Variants in TNPO2 observed in about 807,000 individuals in gnomAD.
TNPO2 encodes transportin-2.
In TNPO2, 16 loss-of-function variants were observed where a neutral mutation model predicts 111.1. That is an observed-to-expected ratio of 0.14 (90% CI 0.10 to 0.22). The LOEUF (loss-of-function observed/expected upper bound fraction) is 0.22, where lower values mean the gene tolerates loss of function less well. Ranked by LOEUF, TNPO2 falls within the 10% of genes least tolerant of loss-of-function variation. TNPO2 has a pLI of 1.00. For synonymous variants in TNPO2, 481 were observed against 475.8 expected (o/e 1.01, Z -0.14); for missense variants, 530 against 1,173.7 (o/e 0.45, Z 8.01).
intron 10 of TNPO2, 57 bp from the exon 11 acceptor site, chr19:12,711,670 A>C (rs2026057611): frequency 6.6e-7 from 1 of 1,524,160 alleles, no homozygotes; most frequent in Non-Finnish European, 9.0e-7. Context: ...AGTTGGGGGG[A>C]GGCACAGCTT....
chr19:12,711,275 C>A (rs2026027281), intron 12 of TNPO2, 21 bp downstream of exon 12: 1 of 1,607,660 alleles, frequency 6.2e-7, no homozygotes, highest in Non-Finnish European at 8.5e-7. Context: ...CCCACCACCA[C>A]CCCCAGGCAG....
At position 12,721,490 on chromosome 19, in the gene TNPO2, G is replaced by C. The variant is rs1005985916; in HGVS notation, c.-13-500C>G. On this transcript the variant is annotated intron_variant, in intron 2 of 25. Coordinates refer to ENST00000425528, the MANE Select transcript of TNPO2 (RefSeq NM_001382241.1). This position sits in a 1 kb window ranked among gnomAD's most constrained non-coding sequence, Gnocchi z 4.9. ...TGCCCTTAACTTCTGCCAGATCCCA[G>C]AGGCCTCCTGCCCTAGTCCAATTTC... The C allele has an allele frequency of 2.4e-6, 1 of 413,242 alleles. No individual in the cohort carries two copies. Among genetic ancestry groups the C allele is most frequent in the African/African-American group, 2.2e-5 (1 of 45,664 alleles). 25.6% of individuals were successfully genotyped at this position (413,242 alleles called of 1,614,324 possible). A position where few individuals can be genotyped will look rare whatever the true frequency, so the allele number is the denominator to read the frequency against.
chr19:12,709,050 G>GA (rs953526498), intron 13 of TNPO2, among the ~76,000 whole-genome samples: 35 of 139,246 alleles, frequency 2.5e-4, no homozygotes, highest in African/African-American at 7.1e-4. Flanking sequence ...AAAAAAAAAA[G>GA]AAAAAAAAAA....
chr19:12,706,670 C>T lies in TNPO2; in HGVS notation c.1396G>A (p.Val466Met). The T allele has an allele frequency of 6.2e-7, 1 of 1,613,970 alleles. No homozygotes were observed. Among genetic ancestry groups the T allele is most frequent in the Non-Finnish European group, 8.5e-7 (1 of 1,179,886 alleles). ...TGCATGTCGGGTGGCTGGCTGACCACCCAGTGGGCATAGCGGCTCAGCGTC... is the reference window on the plus strand; with the variant it reads ...TGCATGTCGGGTGGCTGGCTGACCATCCAGTGGGCATAGCGGCTCAGCGTC... ...CWTLSRYAHWVVSQPPDMHLK... is the reference protein window; with the variant it reads ...CWTLSRYAHWMVSQPPDMHLK... The change falls in exon 14 of 26, where the codon GTG (valine) becomes ATG (methionine). Residue 466 changes from valine to methionine, a missense_variant. Coordinates refer to ENST00000425528, the MANE Select transcript of TNPO2 (RefSeq NM_001382241.1). The surrounding 1 kb of genome is among the most constrained non-coding windows in gnomAD (Gnocchi z 7.0).
At position 12,715,814 on chromosome 19, in the gene TNPO2, C is replaced by T; in HGVS notation, c.326-75G>A. 4.2e-6 allele frequency: 5 copies of T among 1,187,536 alleles called. No individual in the cohort carries two copies. Among genetic ancestry groups the T allele is most frequent in the Non-Finnish European group, 1.2e-6 (1 of 829,518 alleles). The allele number at this position is 1,187,536 out of a possible 1,614,324, so 73.6% of individuals were successfully genotyped here. A position where few individuals can be genotyped will look rare whatever the true frequency, so the allele number is the denominator to read the frequency against. On this transcript the variant is annotated intron_variant, in intron 5 of 25. Transcript: ENST00000425528. This position sits in a 1 kb window ranked among gnomAD's most constrained non-coding sequence, Gnocchi z 7.1. ...AGCACCTCCCCCTCCCACTGGACAC[C>T]CCCAGTGCTGCCTTTCTGTTCCCTA...
Position 12,706,579 on chromosome 19 carries a change from G to A in TNPO2, c.1487C>T (p.Ala496Val). The change falls in exon 14 of 26, where the codon GCG (alanine) becomes GTG (valine). Residue 496 changes from alanine (A) to valine (V), a missense_variant. Ala to Val is a moderately conservative substitution (Grantham distance 64, BLOSUM62 0). Coordinates refer to ENST00000425528, the MANE Select transcript of TNPO2 (RefSeq NM_001382241.1). The surrounding 1 kb of genome is among the most constrained non-coding windows in gnomAD (Gnocchi z 7.0). Reference protein sequence around the residue: ...ILDGNKRVQEAACSAFATLEE... With the variant: ...ILDGNKRVQEVACSAFATLEE... ...AGGGGTCCAGGGTCACCTGCAGGCC[G>A]CCTCCTGTACCCTCTTGTTGCCATC... 1 of 1,614,014 alleles carries A rather than the reference G, an allele frequency of 6.2e-7. No homozygotes were observed. Among genetic ancestry groups the A allele is most frequent in the Non-Finnish European group, 8.5e-7 (1 of 1,179,982 alleles).
At position 12,719,474 on chromosome 19, in the gene TNPO2, A is replaced by G. The variant is rs2026547716; in HGVS notation, c.100-138T>C. Reference sequence around the variant, plus strand: ...GATCCCGCTCCCTAATAAGCCCACAATGACACAGAGCACCTCAGACACGTC... The same window carrying G: ...GATCCCGCTCCCTAATAAGCCCACAGTGACACAGAGCACCTCAGACACGTC... On this transcript the variant is annotated intron_variant, in intron 3 of 25. Transcript: ENST00000425528. This position sits in a 1 kb window ranked among gnomAD's most constrained non-coding sequence, Gnocchi z 5.0. 1.4e-6 allele frequency: 1 copy of G among 729,066 alleles called. No homozygotes were observed. Among genetic ancestry groups the G allele is most frequent in the South Asian group, 1.6e-5 (1 of 61,158 alleles). 45.2% of individuals were successfully genotyped at this position (729,066 alleles called of 1,614,324 possible).
At position 12,715,751 on chromosome 19, in the gene TNPO2, G is replaced by A. The variant is rs564615133; in HGVS notation, c.326-12C>T. On this transcript the variant is annotated splice_polypyrimidine_tract_variant and intron_variant, in intron 5 of 25. Coordinates refer to ENST00000425528, the MANE Select transcript of TNPO2 (RefSeq NM_001382241.1). The surrounding 1 kb of genome is among the most constrained non-coding windows in gnomAD (Gnocchi z 7.1). ...GGTGATGAGAATGCCTGGGGCGGCCGGGAAAGGACGCTGCCTGAGGCTGGG... is the reference window on the plus strand; with the variant it reads ...GGTGATGAGAATGCCTGGGGCGGCCAGGAAAGGACGCTGCCTGAGGCTGGG... The A allele has an allele frequency of 1.4e-5, 22 of 1,596,880 alleles. No individual in the cohort carries two copies. Among genetic ancestry groups the A allele is most frequent in the South Asian group, 1.3e-4 (12 of 88,970 alleles).
chr19:12,703,656 C>T, intron 19 of TNPO2, 58 bp downstream of exon 19: 4 of 1,589,420 alleles, frequency 2.5e-6, no homozygotes, highest in Non-Finnish European at 3.4e-6. Context: ...GGGTATTGCT[C>T]TCCATCACTT....
chr19:12,708,927 C>G (rs918058452), intron 13 of TNPO2, among the ~76,000 whole-genome samples: 1 of 151,550 alleles, frequency 6.6e-6, no homozygotes, highest in Non-Finnish European at 1.5e-5. Flanking sequence ...CCAAGCTACT[C>G]TGGAGGCTGA....
intron 3 of TNPO2, among the ~76,000 whole-genome samples, chr19:12,720,120 G>A (rs1352931314): frequency 1.3e-5 from 2 of 151,954 alleles, no homozygotes; most frequent in Non-Finnish European, 2.9e-5. Context: ...AGGTTCAAGC[G>A]ATTCTCCTGC....
chr19:12,708,193 T>C (rs923733455), intron 13 of TNPO2, among the ~76,000 whole-genome samples: 2 of 152,012 alleles, frequency 1.3e-5, no homozygotes, highest in Non-Finnish European at 2.9e-5. Flanking sequence ...AGTGCAGTGG[T>C]GTGATCTCCA....
At chr19:12,718,925 T>TACC in intron 5 of TNPO2, 104 bp downstream of exon 5, 2 of 1,424,068 alleles carry the variant, frequency 1.4e-6, no homozygotes, top group Non-Finnish European at 1.9e-6. Context: ...GTAATAGTAC[T>TACC]ACCATAGAGG....
Position 12,706,059 on chromosome 19 carries a change from G to A in TNPO2, c.1668+137C>T, listed in dbSNP as rs1167206060. 3.1e-6 allele frequency: 3 copies of A among 966,968 alleles called. No individual in the cohort carries two copies. Among genetic ancestry groups the A allele is most frequent in the Non-Finnish European group, 3.0e-6 (2 of 661,236 alleles). 59.9% of individuals were successfully genotyped at this position (966,968 alleles called of 1,614,324 possible). On this transcript the variant is annotated intron_variant, in intron 15 of 25. Coordinates refer to ENST00000425528, the MANE Select transcript of TNPO2 (RefSeq NM_001382241.1). The surrounding 1 kb of genome is among the most constrained non-coding windows in gnomAD (Gnocchi z 7.0). ...TCCCCCACTAGACTGGGAGCAGGGC[G>A]AGGGCGGGGCCGGGTCTGTCTGTCT...
intron 13 of TNPO2, among the ~76,000 whole-genome samples, chr19:12,708,157 G>C (rs1877816295): frequency 6.6e-6 from 1 of 151,816 alleles, no homozygotes; most frequent in African/African-American, 2.4e-5. Context: ...CTTTGAGACA[G>C]AGTCTCGCTC....
At position 12,715,031 on chromosome 19, in the gene TNPO2, CCTTGA is replaced by C. The variant is rs200007830; in HGVS notation, c.771+11_771+15del. 1.3e-6 allele frequency: 2 copies of C among 1,571,356 alleles called. No individual in the cohort carries two copies. Among genetic ancestry groups the C allele is most frequent in the Non-Finnish European group, 1.7e-6 (2 of 1,159,266 alleles). On this transcript the variant is annotated intron_variant, in intron 9 of 25. Coordinates refer to ENST00000425528, the MANE Select transcript of TNPO2 (RefSeq NM_001382241.1). The surrounding 1 kb of genome is among the most constrained non-coding windows in gnomAD (Gnocchi z 7.1). ...CCCCCTGCCTGCCCGCCTGGGCTGG[CCTTGA>C]CCATGCACACCTGGATGATGCTGTG...
In TNPO2 at chr19:12,721,288, C is replaced by G. The variant is rs1161862262; in HGVS notation, c.-13-298G>C. 7.7e-7 allele frequency: 1 copy of G among 1,294,530 alleles called. No individual in the cohort carries two copies. The highest frequency in any genetic ancestry group is 9.9e-7 in the Non-Finnish European group (1 of 1,009,776). 80.2% of individuals were successfully genotyped at this position (1,294,530 alleles called of 1,614,324 possible). A position where few individuals can be genotyped will look rare whatever the true frequency, so the allele number is the denominator to read the frequency against. On this transcript the variant is annotated intron_variant, in intron 2 of 25. Coordinates refer to ENST00000425528, the MANE Select transcript of TNPO2 (RefSeq NM_001382241.1). The surrounding 1 kb of genome is among the most constrained non-coding windows in gnomAD (Gnocchi z 4.9). ...CGAAGAGCCCTCGTCCCAGGGTGGC[C>G]CATGCCGCTGACCCCGGCTCCGAGC... is the stretch of plus-strand genomic sequence containing the variant.
In TNPO2 at chr19:12,705,362, C is replaced by T. The variant is rs2025581380; in HGVS notation, c.1900G>A (p.Asp634Asn). The change falls in exon 18 of 26, where the codon GAC (aspartate) becomes AAC (asparagine). Residue 634 changes from aspartate to asparagine, a missense_variant. Around this residue, in one of 4 missense-constraint regions of TNPO2, gnomAD observed 183 missense variants for 481.0 expected, o/e 0.38. Transcript: ENST00000425528. The surrounding 1 kb of genome is among the most constrained non-coding windows in gnomAD (Gnocchi z 7.2). ...TQHPEQYEAP[D>N]KDFMIVALDL... Reference sequence around the variant, plus strand: ...AGTGCTACGATCATGAAGTCCTTGTCGGGAGCCTCATACTGCTCAGGGTGC... The same window carrying T: ...AGTGCTACGATCATGAAGTCCTTGTTGGGAGCCTCATACTGCTCAGGGTGC... 2.5e-6 allele frequency: 4 copies of T among 1,587,678 alleles called. No individual in the cohort carries two copies. The highest frequency in any genetic ancestry group is 1.3e-5 in the African/African-American group (1 of 74,426).
At position 12,701,559 on chromosome 19, in the gene TNPO2, T is replaced by A; in HGVS notation, c.2586+39A>T. The A allele has an allele frequency of 6.2e-7, 1 of 1,611,380 alleles. No individual in the cohort carries two copies. ...GTTACCAGATGGTCTCACCCCTGCC[T>A]GCTCCCGGAACTAGATCAGGGCCCA... On this transcript the variant is annotated intron_variant, in intron 24 of 25. Coordinates refer to ENST00000425528, the MANE Select transcript of TNPO2 (RefSeq NM_001382241.1). This position sits in a 1 kb window ranked among gnomAD's most constrained non-coding sequence, Gnocchi z 5.0.
Sources: allele counts gnomAD v4.1 joint callset (sites outside exome capture counted in the v4.1 genomes callset), GRCh38; gene constraint gnomAD v4.1.1; regional missense constraint gnomAD v4.1.1; non-coding constraint Gnocchi (gnomAD v3.1); transcripts MANE v1.5; gene names NCBI Gene and HGNC (gene_info 2026-07-23, HGNC 2026-07-21).